The following SLC24A2 variants were observed in gnomAD, a reference collection of about 807,000 sequenced individuals.
SLC24A2 encodes solute carrier family 24 member 2.
SLC24A2 carries 36 observed loss-of-function variants against 62.0 expected under a neutral mutation model. The observed-to-expected ratio is 0.58, with a 90% CI of 0.44 to 0.77. SLC24A2 has a LOEUF of 0.77. Ranked by LOEUF, SLC24A2 falls within the 30% of genes least tolerant of loss-of-function variation. The pLI is 0.00. For missense variants in SLC24A2, 846 were observed against 817.9 expected, an observed-to-expected ratio of 1.03 and a Z score of -0.42; for synonymous variants, 358 against 294.0, an observed-to-expected ratio of 1.22 and a Z score of -2.23.
At chr9:20,160,702 G>C in the SLC24A2 span, among the ~76,000 whole-genome samples, 3 of 151,158 alleles carry the variant, frequency 2.0e-5, no homozygotes, top group Middle Eastern at 3.4e-3. Flanking sequence ...CAGAATTTCC[G>C]AAAAATAATG....
the SLC24A2 span, among the ~76,000 whole-genome samples, chr9:20,102,515 C>T: frequency 2.0e-5 from 3 of 151,670 alleles, no homozygotes; most frequent in African/African-American, 4.9e-5. Flanking sequence ...GAAGGGGACA[C>T]ACAGCATAAG....
At chr9:20,076,516 C>G in the SLC24A2 span, among the ~76,000 whole-genome samples, 25 of 152,214 alleles carry the variant, frequency 1.6e-4, no homozygotes, top group African/African-American at 4.6e-4. Context: ...CAGTAAACAC[C>G]AGAAGCTGGG....
the SLC24A2 span, among the ~76,000 whole-genome samples, chr9:20,236,512 T>A: frequency 3.7e-4 from 57 of 152,342 alleles, no homozygotes; most frequent in Middle Eastern, 3.4e-3. Flanking sequence ...TAAATTTTCC[T>A]CTGTACTTGA....
chr9:20,116,686 A>C, the SLC24A2 span, among the ~76,000 whole-genome samples: 1 of 152,192 alleles, frequency 6.6e-6, no homozygotes, highest in Non-Finnish European at 1.5e-5. Flanking sequence ...GTAAAAATTC[A>C]ATGCATACTT....
the SLC24A2 span, among the ~76,000 whole-genome samples, chr9:19,883,629 T>G: frequency 1.7e-3 from 252 of 151,768 alleles, no homozygotes; most frequent in South Asian, 3.1e-3. Flanking sequence ...GCAGTGGTGC[T>G]ATCTCGGCTC....
At chr9:19,616,106 G>C (rs1032615139) in intron 4 of SLC24A2, among the ~76,000 whole-genome samples, 3 of 151,894 alleles carry the variant, frequency 2.0e-5, no homozygotes, top group Non-Finnish European at 4.4e-5. Flanking sequence ...CCTCTGTGGA[G>C]AATTGGGGAA....
the SLC24A2 span, among the ~76,000 whole-genome samples, chr9:20,276,207 A>G: frequency 6.6e-6 from 1 of 152,236 alleles, no homozygotes; most frequent in African/African-American, 2.4e-5. Flanking sequence ...TATAGCCTGT[A>G]AAATAGAAAG....
chr9:19,819,614 A>G, the SLC24A2 span, among the ~76,000 whole-genome samples: 12 of 152,094 alleles, frequency 7.9e-5, no homozygotes, highest in Non-Finnish European at 1.6e-4. Flanking sequence ...AAAATTCTCA[A>G]CATCACTAAT....
intron 2 of SLC24A2, among the ~76,000 whole-genome samples, chr9:19,647,898 A>C (rs963491188): frequency 6.6e-6 from 1 of 152,354 alleles, no homozygotes; most frequent in Non-Finnish European, 1.5e-5. Context: ...TATCTATTTT[A>C]TAGTGAATAT....
intron 2 of SLC24A2, among the ~76,000 whole-genome samples, chr9:19,673,444 C>CGTGCGT (rs1554696241): frequency 1.5e-5 from 2 of 129,794 alleles, no homozygotes. Flanking sequence ...TGTGTGTGTG[C>CGTGCGT]GTGTGTGTGT....
the SLC24A2 span, among the ~76,000 whole-genome samples, chr9:20,085,434 G>A: frequency 6.6e-6 from 1 of 152,224 alleles, no homozygotes; most frequent in African/African-American, 2.4e-5. Context: ...AAGATCTAGA[G>A]GAAAGAGAGT....
chr9:20,301,075 C>A, the SLC24A2 span, among the ~76,000 whole-genome samples: 1 of 152,200 alleles, frequency 6.6e-6, no homozygotes, highest in African/African-American at 2.4e-5. Flanking sequence ...CTTCCTCTAC[C>A]TCTTCTCCCA....
Position 19,599,274 on chromosome 9 carries a change from AC to A in SLC24A2, c.1079-1996del, listed in dbSNP as rs1173751165. On this transcript the variant is annotated intron_variant, in intron 4 of 10. Transcript: ENST00000341998. The surrounding 1 kb of genome is among the most constrained non-coding windows in gnomAD (Gnocchi z 4.5). ...GGACAAAGCTCACACATTCTCGACA[AC>A]GTGGCAATGTCTAGATCGCTTCTTA... Among the ~76,000 whole-genome samples the A allele has an allele frequency of 1.3e-5, 2 of 152,218 alleles. No homozygotes were observed. The highest frequency in any genetic ancestry group is 1.5e-5 in the Non-Finnish European group (1 of 68,042).
Position 19,550,137 on chromosome 9 carries a change from A to G in SLC24A2, c.1479T>C (p.Pro493=), listed in dbSNP as rs760919153. Residue 493 remains proline, a splice_region_variant and synonymous_variant, in exon 8 of 11, where the codon CCT becomes CCC. Transcript: ENST00000341998. The part of the protein sequence containing the change: ...LWITLPDVRK[P]SSRKFFPITF... ...ACTATTTTTAAAATGCTTTACTTAC[A>G]GGTTTGCGAACGTCAGGTAACGTAA... The G allele has an allele frequency of 1.2e-6, 2 of 1,613,714 alleles. No individual in the cohort carries two copies. Among genetic ancestry groups the G allele is most frequent in the African/African-American group, 2.7e-5 (2 of 75,024 alleles).
chr9:19,951,399 C>T, the SLC24A2 span, among the ~76,000 whole-genome samples: 2 of 152,014 alleles, frequency 1.3e-5, no homozygotes, highest in Middle Eastern at 3.4e-3. Flanking sequence ...GCTTAGTGTT[C>T]GTACGTATAT....
At chr9:19,724,939 C>T (rs1488541669) in intron 2 of SLC24A2, among the ~76,000 whole-genome samples, 2 of 152,164 alleles carry the variant, frequency 1.3e-5, no homozygotes, top group African/African-American at 4.8e-5. Flanking sequence ...CCAGTCAAAT[C>T]TCACCTCTTC....
At chr9:19,982,118 G>A in the SLC24A2 span, among the ~76,000 whole-genome samples, 1 of 152,174 alleles carries the variant, frequency 6.6e-6, no homozygotes, top group East Asian at 1.9e-4. Context: ...TGTCTGGGAA[G>A]ACTTCATGGA....
the SLC24A2 span, among the ~76,000 whole-genome samples, chr9:20,254,650 C>G: frequency 6.6e-6 from 1 of 152,080 alleles, no homozygotes; most frequent in Non-Finnish European, 1.5e-5. Context: ...CCATAGTGAC[C>G]ACCACTTAGT....
At chr9:19,997,558 ACC>A in the SLC24A2 span, among the ~76,000 whole-genome samples, 1 of 152,228 alleles carries the variant, frequency 6.6e-6, no homozygotes, top group Admixed American at 6.5e-5. Context: ...TGTCAGACTC[ACC>A]CAACAACAGA....
Sources: allele counts gnomAD v4.1 joint callset (sites outside exome capture counted in the v4.1 genomes callset), GRCh38; gene constraint gnomAD v4.1.1; non-coding constraint Gnocchi (gnomAD v3.1); transcripts MANE v1.5; gene names NCBI Gene and HGNC (gene_info 2026-07-23, HGNC 2026-07-21).